ATRX: variants seen among roughly 807,000 people sequenced by gnomAD.
ATRX encodes the protein ATRX chromatin remodeler, also known as chromatin remodeler ATRX.
In ATRX, 12 loss-of-function variants were observed where a neutral mutation model predicts 172.6. The observed-to-expected ratio is 0.07, with a 90% CI of 0.04 to 0.11. The LOEUF is 0.11. ATRX is among the 10% of genes least tolerant of loss of function. The pLI is 1.00. For synonymous variants in ATRX, 674 were observed against 594.7 expected, an observed-to-expected ratio of 1.13 and a Z score of -1.94; for missense variants, 1,368 against 1,767.4, an observed-to-expected ratio of 0.77 and a Z score of 4.05.
At chrX:77,717,560 T>C (rs1557166027) in intron 1 of ATRX, among the ~76,000 whole-genome samples, 4 of 100,199 alleles carry the variant, frequency 4.0e-5, no homozygotes, top group Non-Finnish European at 7.9e-5. Flanking sequence ...GCCAAGATCA[T>C]GCCACTGCAC....
Position 77,683,997 on chromosome X carries a change from A to G in ATRX, c.1259T>C (p.Met420Thr). The G allele has an allele frequency of 3.3e-6, 4 of 1,208,341 alleles. No homozygotes were observed. The highest frequency in any genetic ancestry group is 4.5e-6 in the Non-Finnish European group (4 of 892,378). ...ATTTTTCTCTTTGTTTACAGCATCC[A>G]TCGCTCGAAACTCGGAATTTAAGTC... Reference protein sequence around the residue: ...EEDLNSEFRAMDAVNKEKNTK... With the variant: ...EEDLNSEFRATDAVNKEKNTK... The change falls in exon 9 of 35, where the codon ATG becomes ACG. Residue 420 changes from methionine to threonine, a missense_variant. Coordinates refer to ENST00000373344, the MANE Select transcript of ATRX (RefSeq NM_000489.6).
intron 22 of ATRX, among the ~76,000 whole-genome samples, chrX:77,613,020 C>G (rs1314724061): frequency 1.8e-5 from 2 of 111,426 alleles, no homozygotes; most frequent in African/African-American, 6.5e-5. Flanking sequence ...GTTGCTTCCA[C>G]CTTTTTTTGC....
At chrX:77,587,348 T>C (rs1253809255) in intron 27 of ATRX, among the ~76,000 whole-genome samples, 1 of 110,414 alleles carries the variant, frequency 9.1e-6, no homozygotes, top group Non-Finnish European at 1.9e-5. Flanking sequence ...ACTATGTTAA[T>C]AGAATGGGGA....
chrX:77,565,690 T>C (rs1337265491), intron 28 of ATRX, among the ~76,000 whole-genome samples: 2 of 110,793 alleles, frequency 1.8e-5, no homozygotes, highest in African/African-American at 6.6e-5. Context: ...ACCCCGTCTG[T>C]ACTAAAATTA....
chrX:77,518,003 T>C (rs1019532248), intron 34 of ATRX, among the ~76,000 whole-genome samples: 1 of 111,958 alleles, frequency 8.9e-6, no homozygotes, highest in African/African-American at 3.2e-5. Context: ...AATACGGTTA[T>C]AGAAGGAACA....
intron 1 of ATRX, among the ~76,000 whole-genome samples, chrX:77,739,569 T>A (rs2074762697): frequency 1.8e-5 from 2 of 110,166 alleles, no homozygotes; most frequent in African/African-American, 6.6e-5. Flanking sequence ...AAACATAGGG[T>A]GCTAATAATA....
At chrX:77,675,639 AC>A (rs1442983772) in intron 10 of ATRX, 1 of 114,131 alleles carries the variant, frequency 8.8e-6, no homozygotes. Context: ...TGACATTTAA[AC>A]CTATTAAGTC....
Position 77,683,531 on chromosome X carries a change from T to C in ATRX, c.1725A>G (p.Lys575=), listed in dbSNP as rs2148616095. The change falls in exon 9 of 35, where the codon AAA becomes AAG. Residue 575 remains lysine, a synonymous_variant. Coordinates refer to ENST00000373344, the MANE Select transcript of ATRX (RefSeq NM_000489.6). Reference sequence around the variant, plus strand: ...TTGTTACTTTAGCTGTAGTTTTTGATTTAATACCTCCTCTGTTGTCTTTTG... The same window carrying C: ...TTGTTACTTTAGCTGTAGTTTTTGACTTAATACCTCCTCTGTTGTCTTTTG... ...ISSKDNRGGI[K]SKTTAKVTKE... is the part of the protein sequence containing the mutation. 1.7e-6 allele frequency: 2 copies of C among 1,208,923 alleles called. No individual in the cohort carries two copies. The highest frequency in any genetic ancestry group is 2.2e-6 in the Non-Finnish European group (2 of 892,982).
Position 77,682,134 on chromosome X carries a change from T to A in ATRX, c.3122A>T (p.Asp1041Val), listed in dbSNP as rs1412505197. The stretch of plus-strand genomic sequence containing the variant: ...TATTTTTTTACTTTTCTTTTCTCCA[T>A]CAGTTGTTCCATTCTTAATTTGTTT... ...GIKQIKNGTT[D>V]GEKKSKKIRD... The change falls in exon 9 of 35, where the codon GAT becomes GTT. Residue 1041 changes from aspartate (D) to valine (V), a missense_variant. Physicochemically the swap from Asp to Val is radical, Grantham distance 152. Around this residue, in one of 17 missense-constraint regions of ATRX, gnomAD observed 843 missense variants for 643.1 expected, o/e 1.31. Coordinates refer to ENST00000373344, the MANE Select transcript of ATRX (RefSeq NM_000489.6). 7 of 1,209,237 alleles carry A rather than the reference T, an allele frequency of 5.8e-6. No individual in the cohort carries two copies. In the Admixed American group the frequency reaches 1.5e-4, roughly 26 times the overall value.
intron 6 of ATRX, among the ~76,000 whole-genome samples, chrX:77,689,361 G>A (rs1557145897): frequency 8.9e-6 from 1 of 111,861 alleles, no homozygotes; most frequent in Non-Finnish European, 1.9e-5. Flanking sequence ...TATTCTCATT[G>A]GAATTGTCTG....
chrX:77,595,993 T>G (rs1467957221), intron 25 of ATRX: 1 of 111,421 alleles, frequency 9.0e-6, no homozygotes, highest in Non-Finnish European at 1.9e-5. Flanking sequence ...GATCATGAAC[T>G]CTCCTTCTAA....
chrX:77,765,390 G>A (rs1312421588), intron 1 of ATRX, among the ~76,000 whole-genome samples: 1 of 111,901 alleles, frequency 8.9e-6, no homozygotes, highest in Non-Finnish European at 1.9e-5. Flanking sequence ...TTCAGATTGT[G>A]GCATTGACAG....
chrX:77,657,471 G>A (rs1557120377), intron 12 of ATRX, among the ~76,000 whole-genome samples: 1 of 111,501 alleles, frequency 9.0e-6, no homozygotes, highest in South Asian at 3.7e-4. Context: ...GTTCAAACAT[G>A]GGCAGGCACA....
chrX:77,720,056 G>A (rs782739625), intron 1 of ATRX, among the ~76,000 whole-genome samples: 1 of 111,898 alleles, frequency 8.9e-6, no homozygotes, highest in African/African-American at 3.2e-5. Flanking sequence ...CATGGAAACT[G>A]AACAACCTGC....
At chrX:77,637,607 T>A (rs1365639532) in intron 15 of ATRX, among the ~76,000 whole-genome samples, 1 of 110,510 alleles carries the variant, frequency 9.0e-6, no homozygotes, top group Non-Finnish European at 1.9e-5. Flanking sequence ...GTTTTATGGT[T>A]CCATGAAAAA....
At chrX:77,773,944 C>T (rs374346500) in intron 1 of ATRX, among the ~76,000 whole-genome samples, 107 of 111,166 alleles carry the variant, frequency 9.6e-4, no homozygotes, top group Middle Eastern at 4.6e-3. Context: ...GAGAAGAGGC[C>T]GGGCGCAGTG....
At chrX:77,551,525 A>G (rs1557056192) in intron 30 of ATRX, among the ~76,000 whole-genome samples, 2 of 112,181 alleles carry the variant, frequency 1.8e-5, no homozygotes, top group East Asian at 5.5e-4. Context: ...CTAGAAGAAA[A>G]CCTAGGCAAT....
intron 34 of ATRX, among the ~76,000 whole-genome samples, chrX:77,515,599 G>A (rs1465291789): frequency 1.8e-5 from 2 of 111,364 alleles, no homozygotes; most frequent in Non-Finnish European, 3.8e-5. Context: ...AAATTGAGGC[G>A]TTGCATCCTG....
chrX:77,556,018 G>GA (rs1418205845), intron 30 of ATRX, among the ~76,000 whole-genome samples: 58 of 104,935 alleles, frequency 5.5e-4, no homozygotes, highest in African/African-American at 9.4e-4. Context: ...ACTAAAAATA[G>GA]AAAAAAAAAT....
Sources: allele counts gnomAD v4.1 joint callset (sites outside exome capture counted in the v4.1 genomes callset), GRCh38; gene constraint gnomAD v4.1.1; regional missense constraint gnomAD v4.1.1; transcripts MANE v1.5; gene names NCBI Gene and HGNC (gene_info 2026-07-23, HGNC 2026-07-21).